TRERF1: variants seen among roughly 807,000 people sequenced by gnomAD.
TRERF1 encodes transcriptional-regulating factor 1.
Under a neutral mutation model 122.9 loss-of-function variants are expected in TRERF1, and 27 were observed. The ratio of observed to expected loss-of-function variants is 0.22; its 90% CI spans 0.16 to 0.30. TRERF1 has a LOEUF of 0.30. TRERF1 is among the 10% of genes least tolerant of loss of function. The probability of loss-of-function intolerance (pLI) is 1.00; values close to 1 mark genes in which losing one functional copy is unlikely to be tolerated. For synonymous variants in TRERF1, 636 were observed against 641.7 expected, an observed-to-expected ratio of 0.99 and a Z score of 0.13; for missense variants, 1,248 against 1,560.3, an observed-to-expected ratio of 0.80 and a Z score of 3.37.
chr6:42,264,657 C>A, intron 7 of TRERF1, 47 bp downstream of exon 7: 1 of 1,594,410 alleles, frequency 6.3e-7, no homozygotes, highest in Non-Finnish European at 8.5e-7. Flanking sequence ...CAAAGCAAAG[C>A]AAGCAGCACA....
At chr6:42,248,339 T>C (rs779573871) in intron 13 of TRERF1, among the ~76,000 whole-genome samples, 1 of 151,574 alleles carries the variant, frequency 6.6e-6, no homozygotes, top group African/African-American at 2.4e-5. Flanking sequence ...TTTATTTGGT[T>C]TGCAAACTTA....
chr6:42,329,376 G>A (rs538599168), intron 3 of TRERF1, among the ~76,000 whole-genome samples: 11 of 151,990 alleles, frequency 7.2e-5, no homozygotes, highest in African/African-American at 2.4e-4. Context: ...CCTCTGAATC[G>A]CTCCAGTTCA....
chr6:42,274,663 A>T (rs1780850111), intron 4 of TRERF1, among the ~76,000 whole-genome samples: 2 of 152,288 alleles, frequency 1.3e-5, no homozygotes, highest in South Asian at 4.1e-4. Context: ...TGGGCAAGAG[A>T]GTGAGACCCT....
At position 42,234,633 on chromosome 6, in the gene TRERF1, G is replaced by A. The variant is rs565402663; in HGVS notation, c.3066+1572C>T. Among the ~76,000 whole-genome samples, 12 of 152,222 alleles carry A rather than the reference G, an allele frequency of 7.9e-5. No homozygotes were observed. In the South Asian group the frequency reaches 2.1e-3, roughly 26 times the overall value. On this transcript the variant is annotated intron_variant, in intron 16 of 17. Transcript: ENST00000372922. ...TGGGATTACAGGCGTGAGCCACCGC[G>A]CCTGGCCAAGCTCTGGTTATTTTCT...
rs1228813201 is a variant in TRERF1, at chr6:42,275,547, G to A, written c.-258-5699C>T. Among the ~76,000 whole-genome samples the A allele has an allele frequency of 6.6e-6, 1 of 152,244 alleles. No individual in the cohort carries two copies. The highest frequency in any genetic ancestry group is 2.4e-5 in the African/African-American group (1 of 41,474). On this transcript the variant is annotated intron_variant, in intron 4 of 17. Coordinates refer to ENST00000372922, the Ensembl canonical transcript of TRERF1. The surrounding 1 kb of genome is among the most constrained non-coding windows in gnomAD (Gnocchi z 4.1). ...CAGTCACTGTGATGTAGGGACAGCA[G>A]CCTGCCCATGTGGTGTCCTCAGGGA...
At chr6:42,377,666 G>C (rs1479927230) in intron 2 of TRERF1, among the ~76,000 whole-genome samples, 1 of 152,202 alleles carries the variant, frequency 6.6e-6, no homozygotes, top group Non-Finnish European at 1.5e-5. Context: ...CCTTCTACCA[G>C]GACTCATGGG....
At chr6:42,255,272 G>A (rs1417867349) in intron 12 of TRERF1, among the ~76,000 whole-genome samples, 2 of 152,246 alleles carry the variant, frequency 1.3e-5, no homozygotes, top group South Asian at 2.1e-4. Context: ...TAGGAAATGA[G>A]TGGGTGATCT....
intron 2 of TRERF1, among the ~76,000 whole-genome samples, chr6:42,446,196 G>C (rs962923330): frequency 6.6e-6 from 1 of 152,204 alleles, no homozygotes; most frequent in Non-Finnish European, 1.5e-5. Context: ...TTACAGGTGT[G>C]AGCCACCGTG....
chr6:42,281,298 G>A (rs1027729146), intron 4 of TRERF1, among the ~76,000 whole-genome samples: 7 of 152,094 alleles, frequency 4.6e-5, no homozygotes, highest in Non-Finnish European at 1.0e-4. Context: ...GAGAGTGTGA[G>A]GACCAAATCC....
intron 3 of TRERF1, among the ~76,000 whole-genome samples, chr6:42,302,112 A>G (rs946630703): frequency 2.0e-5 from 3 of 152,182 alleles, no homozygotes; most frequent in Non-Finnish European, 2.9e-5. Context: ...CCCCGCCTGA[A>G]GCTCCCTCCC....
chr6:42,438,337 C>T (rs1785824847), intron 2 of TRERF1, among the ~76,000 whole-genome samples: 1 of 150,120 alleles, frequency 6.7e-6, no homozygotes. Context: ...TGGCCGGGGG[C>T]GGTGGCTCAC....
At chr6:42,343,166 C>G (rs1218926375) in intron 3 of TRERF1, among the ~76,000 whole-genome samples, 1 of 152,180 alleles carries the variant, frequency 6.6e-6, no homozygotes, top group African/African-American at 2.4e-5. Flanking sequence ...TCTGGAGAGT[C>G]CTGGGATATG....
chr6:42,416,063 T>A (rs971005010), intron 2 of TRERF1, among the ~76,000 whole-genome samples: 1 of 152,182 alleles, frequency 6.6e-6, no homozygotes, highest in Non-Finnish European at 1.5e-5. Flanking sequence ...ATCTCTTCTG[T>A]TGCTTATACA....
chr6:42,337,001 C>G (rs1265443150), intron 3 of TRERF1, among the ~76,000 whole-genome samples: 1 of 152,058 alleles, frequency 6.6e-6, no homozygotes, highest in African/African-American at 2.4e-5. Context: ...CTGCGGGGGG[C>G]AGGGGGTGCG....
At chr6:42,288,853 A>C (rs953149835) in intron 4 of TRERF1, among the ~76,000 whole-genome samples, 2 of 152,134 alleles carry the variant, frequency 1.3e-5, no homozygotes, top group Non-Finnish European at 2.9e-5. Context: ...GAAACTGGAC[A>C]GGGGGCAAGG....
At chr6:42,419,299 A>C (rs901301090) in intron 2 of TRERF1, among the ~76,000 whole-genome samples, 1 of 96,744 alleles carries the variant, frequency 1.0e-5, no homozygotes, top group Admixed American at 1.6e-4. Flanking sequence ...CTCCTCACTC[A>C]GGTCACCTGC....
intron 3 of TRERF1, among the ~76,000 whole-genome samples, chr6:42,362,559 C>T (rs1311429019): frequency 6.6e-6 from 1 of 152,196 alleles, no homozygotes; most frequent in Non-Finnish European, 1.5e-5. Context: ...GATCATGAGG[C>T]CAGACCTGAT....
chr6:42,324,222 A>AT (rs1561990204), intron 3 of TRERF1, among the ~76,000 whole-genome samples: 1 of 152,208 alleles, frequency 6.6e-6, no homozygotes, highest in East Asian at 1.9e-4. Flanking sequence ...TCTCTACAAG[A>AT]ACTACAAAAC....
chr6:42,237,884 T>C (rs185672829), intron 15 of TRERF1, among the ~76,000 whole-genome samples: 64 of 152,330 alleles, frequency 4.2e-4, no homozygotes, highest in Middle Eastern at 3.4e-3. Context: ...CATGTATACT[T>C]GCGATGCAGT....
Sources: gnomAD v4.1 joint callset for allele counts (sites outside exome capture counted in the v4.1 genomes callset) on GRCh38, gnomAD v4.1.1 for gene constraint, Gnocchi (gnomAD v3.1) non-coding constraint, MANE v1.5 for transcripts, NCBI Gene and HGNC (gene_info 2026-07-23, HGNC 2026-07-21) for gene names.